The following L3MBTL4 variants were observed in gnomAD, a reference collection of about 807,000 sequenced individuals.
L3MBTL4 encodes the protein L3MBTL histone methyl-lysine binding protein 4, also known as lethal(3)malignant brain tumor-like protein 4.
L3MBTL4 carries 70 observed loss-of-function variants against 84.5 expected under a neutral mutation model. The observed-to-expected ratio is 0.83, with a 90% CI of 0.68 to 1.01. The LOEUF is 1.01. L3MBTL4 is among the 50% of genes least tolerant of loss of function. The pLI is 0.00. For missense variants in L3MBTL4, 715 were observed against 754.8 expected (o/e 0.95, Z 0.62); for synonymous variants, 274 against 259.8 (o/e 1.05, Z -0.52).
At chr18:6,343,997 GA>G (rs34939798) in intron 1 of L3MBTL4, among the ~76,000 whole-genome samples, 6,702 of 106,190 alleles carry the variant, frequency 0.063, 161 homozygotes, top group East Asian at 0.14. Context: ...GGAGCTAGAG[GA>G]AAAAAAAAAA....
intron 18 of L3MBTL4, among the ~76,000 whole-genome samples, chr18:5,958,106 G>GAAGAAGAAGAAGAAGAAA (rs1567911590): frequency 8.3e-4 from 76 of 91,470 alleles, no homozygotes; most frequent in Admixed American, 2.2e-3. Flanking sequence ...AGAAGAAGAA[G>GAAGAAGAAGAAGAAGAAA]AAGAAGAAGA....
intron 1 of L3MBTL4, among the ~76,000 whole-genome samples, chr18:6,313,782 G>T (rs1355061446): frequency 6.6e-6 from 1 of 151,882 alleles, no homozygotes; most frequent in East Asian, 1.9e-4. Context: ...ACCTTGATTT[G>T]TTTAAAACAG....
At chr18:6,176,531 C>G (rs890063450) in intron 12 of L3MBTL4, among the ~76,000 whole-genome samples, 4 of 152,024 alleles carry the variant, frequency 2.6e-5, no homozygotes, top group African/African-American at 9.7e-5. Context: ...CTGACTTCTA[C>G]CTCACATCAC....
Position 6,362,697 on chromosome 18 carries a change from T to G in L3MBTL4, c.-90-50641A>C, listed in dbSNP as rs573702874. On this transcript the variant is annotated intron_variant, in intron 1 of 18. Coordinates refer to ENST00000317931, the MANE Select transcript of L3MBTL4 (RefSeq NM_001330559.2). ...GTGCACTTTTTCCAATAAAACACTT[T>G]CCCTCCCTGGTAACTTACAACATCT... Among the ~76,000 whole-genome samples, 37 of 152,320 alleles carry G rather than the reference T, an allele frequency of 2.4e-4. No homozygotes were observed. The South Asian group carries it at 7.3e-3, about 30-fold the overall frequency.
intron 12 of L3MBTL4, among the ~76,000 whole-genome samples, chr18:6,181,299 A>G (rs2145352164): frequency 6.6e-6 from 1 of 152,126 alleles, no homozygotes; most frequent in Admixed American, 6.5e-5. Flanking sequence ...GGTAATAGGC[A>G]TAGTACCTGA....
chr18:6,383,766 C>T (rs1013763207), intron 1 of L3MBTL4, among the ~76,000 whole-genome samples: 4 of 152,148 alleles, frequency 2.6e-5, no homozygotes, highest in Admixed American at 2.6e-4. Context: ...AGCCATCTTG[C>T]CAGCAATCCC....
intron 10 of L3MBTL4, among the ~76,000 whole-genome samples, chr18:6,217,834 T>C (rs1258054893): frequency 6.6e-6 from 1 of 152,236 alleles, no homozygotes; most frequent in Non-Finnish European, 1.5e-5. Flanking sequence ...TGCCACCCTA[T>C]TATTTTCTGT....
intron 10 of L3MBTL4, among the ~76,000 whole-genome samples, chr18:6,231,013 C>T (rs1278298070): frequency 1.3e-5 from 2 of 152,020 alleles, no homozygotes; most frequent in East Asian, 3.9e-4. Flanking sequence ...CAAATATTTT[C>T]TCTCATTCTG....
At chr18:6,201,659 C>T (rs184060390) in intron 12 of L3MBTL4, among the ~76,000 whole-genome samples, 64 of 152,012 alleles carry the variant, frequency 4.2e-4, no homozygotes, top group Admixed American at 9.2e-4. Flanking sequence ...TACAGAGAGA[C>T]TCAAAGAGAA....
At chr18:5,976,758 CAGGCCAGA>C (rs1295284111) in intron 16 of L3MBTL4, among the ~76,000 whole-genome samples, 1 of 152,146 alleles carries the variant, frequency 6.6e-6, no homozygotes, top group East Asian at 1.9e-4. Flanking sequence ...TGAACGCACG[CAGGCCAGA>C]AGGCAGGGAT....
chr18:6,083,123 C>T (rs1044677818), intron 15 of L3MBTL4, among the ~76,000 whole-genome samples: 1 of 152,194 alleles, frequency 6.6e-6, no homozygotes, highest in African/African-American at 2.4e-5. Flanking sequence ...AGTCTTTGGA[C>T]TCCAAATCCA....
intron 16 of L3MBTL4, among the ~76,000 whole-genome samples, chr18:6,008,966 A>G (rs1367137990): frequency 6.6e-6 from 1 of 152,144 alleles, no homozygotes; most frequent in Non-Finnish European, 1.5e-5. Context: ...TCTCAGTGGG[A>G]TGGGAATTAC....
At chr18:6,411,533 C>T (rs948511539) in intron 1 of L3MBTL4, among the ~76,000 whole-genome samples, 7 of 152,146 alleles carry the variant, frequency 4.6e-5, no homozygotes, top group South Asian at 4.1e-4. Flanking sequence ...TAGCAACTGA[C>T]AAGACTAACC....
At chr18:5,981,551 C>T (rs2053216704) in intron 16 of L3MBTL4, among the ~76,000 whole-genome samples, 1 of 152,038 alleles carries the variant, frequency 6.6e-6, no homozygotes, top group African/African-American at 2.4e-5. Context: ...TGCAGTGGCT[C>T]ATACCTGTAA....
At chr18:6,086,519 G>C (rs910555876) in intron 15 of L3MBTL4, among the ~76,000 whole-genome samples, 1 of 152,164 alleles carries the variant, frequency 6.6e-6, no homozygotes, top group Admixed American at 6.5e-5. Flanking sequence ...CTCCAGTGAG[G>C]TGCCTAAAAA....
chr18:5,956,513 G>T, intron 18 of L3MBTL4, 126 bp from the exon 19 acceptor site: 1 of 745,752 alleles, frequency 1.3e-6, no homozygotes, highest in Non-Finnish European at 2.2e-6. Context: ...GCTCACCAGT[G>T]AGAGAGAATG....
At chr18:6,385,129 C>T (rs1203802070) in intron 1 of L3MBTL4, among the ~76,000 whole-genome samples, 1 of 152,180 alleles carries the variant, frequency 6.6e-6, no homozygotes, top group Non-Finnish European at 1.5e-5. Context: ...GGGCAGGCCA[C>T]AGTGGTTCAC....
intron 14 of L3MBTL4, among the ~76,000 whole-genome samples, chr18:6,099,233 G>A (rs2058734185): frequency 6.6e-6 from 1 of 152,100 alleles, no homozygotes; most frequent in African/African-American, 2.4e-5. Flanking sequence ...TTAGTATGCA[G>A]TAGTCTACTC....
rs376351050 is a variant in L3MBTL4 at position 6,238,151 on chromosome 18, A to G, written c.708-111T>C. ...CAGATACCACAGAAAACAGTACTTC[A>G]TAGCTGGAGAGAATTAGAAGGAATT... On this transcript the variant is annotated intron_variant, in intron 9 of 18. Coordinates refer to ENST00000317931, the MANE Select transcript of L3MBTL4 (RefSeq NM_001330559.2). 1.5e-5 allele frequency: 14 copies of G among 928,090 alleles called. No individual in the cohort carries two copies. In the African/African-American group the frequency reaches 1.6e-4, roughly 11 times the overall value. 57.5% of individuals were successfully genotyped at this position (928,090 alleles called of 1,614,324 possible). A position where few individuals can be genotyped will look rare whatever the true frequency, so the allele number is the denominator to read the frequency against.
Sources: gnomAD v4.1 joint callset for allele counts (sites outside exome capture counted in the v4.1 genomes callset) on GRCh38, gnomAD v4.1.1 for gene constraint, MANE v1.5 for transcripts, NCBI Gene and HGNC (gene_info 2026-07-23, HGNC 2026-07-21) for gene names.